FRMPD4: variants seen among roughly 807,000 people sequenced by gnomAD.
The protein encoded by FRMPD4 is FERM and PDZ domain-containing protein 4.
In FRMPD4, 22 loss-of-function variants were observed where a neutral mutation model predicts 94.1. The ratio of observed to expected loss-of-function variants is 0.23; its 90% CI spans 0.17 to 0.33. The LOEUF (loss-of-function observed/expected upper bound fraction) is 0.33. Ranked by LOEUF, FRMPD4 falls within the 10% of genes least tolerant of loss-of-function variation. The pLI, the probability that FRMPD4 is intolerant of heterozygous loss-of-function variation, is 1.00. For missense variants in FRMPD4, 1,111 were observed against 1,339.9 expected, an observed-to-expected ratio of 0.83 and a Z score of 2.67; for synonymous variants, 631 against 548.6, an observed-to-expected ratio of 1.15 and a Z score of -2.10.
At chrX:12,083,089 A>G (rs922046232) in intron 3 of FRMPD4, among the ~76,000 whole-genome samples, 14 of 112,769 alleles carry the variant, frequency 1.2e-4, no homozygotes, top group Non-Finnish European at 2.4e-4. Flanking sequence ...TCTCAAGACC[A>G]TGGGGAAAAT....
In FRMPD4 at chrX:12,702,013, A is replaced by G; in HGVS notation, c.1070+3A>G. Reference sequence around the variant, plus strand: ...AAAATCTCCCTCAAATACATCGAGTAAGTGTTGACTCTCAGCGCCATTTCG... The same window carrying G: ...AAAATCTCCCTCAAATACATCGAGTGAGTGTTGACTCTCAGCGCCATTTCG... On this transcript the variant is annotated splice_donor_region_variant and intron_variant, in intron 10 of 16. Coordinates refer to ENST00000675598, the MANE Select transcript of FRMPD4 (RefSeq NM_001368397.1). 1 of 1,209,125 alleles carries G rather than the reference A, an allele frequency of 8.3e-7. No homozygotes were observed. Among genetic ancestry groups the G allele is most frequent in the South Asian group, 1.8e-5 (1 of 56,941 alleles).
At chrX:12,276,633 C>T (rs1433049534) in intron 1 of FRMPD4, among the ~76,000 whole-genome samples, 2 of 111,189 alleles carry the variant, frequency 1.8e-5, no homozygotes, top group African/African-American at 6.6e-5. Flanking sequence ...TAAGAGTCTG[C>T]TCTATCAGTA....
At chrX:11,830,501 GTTGT>G (rs1307075957) in intron 1 of FRMPD4, among the ~76,000 whole-genome samples, 2 of 111,433 alleles carry the variant, frequency 1.8e-5, no homozygotes, top group African/African-American at 6.5e-5. Flanking sequence ...CTTCCACTAA[GTTGT>G]TTGACTACAG....
intron 1 of FRMPD4, among the ~76,000 whole-genome samples, chrX:12,416,792 C>G (rs2056806856): frequency 9.0e-6 from 1 of 111,711 alleles, no homozygotes; most frequent in South Asian, 3.7e-4. Flanking sequence ...AATGCTTCCT[C>G]TGTGTCTTTG....
At chrX:12,711,781 C>T (rs2041991721) in intron 14 of FRMPD4, among the ~76,000 whole-genome samples, 1 of 107,194 alleles carries the variant, frequency 9.3e-6, no homozygotes, top group Admixed American at 9.9e-5. Flanking sequence ...GCCCCAAGTC[C>T]CCGGCATTTA....
intron 1 of FRMPD4, among the ~76,000 whole-genome samples, chrX:12,495,734 A>AAAG (rs1841735203): frequency 9.2e-6 from 1 of 108,934 alleles, no homozygotes; most frequent in South Asian, 3.8e-4. Flanking sequence ...TAAAAATAAA[A>AAAG]AATAATAATA....
At chrX:11,895,539 C>T (rs2053898374) in intron 3 of FRMPD4, among the ~76,000 whole-genome samples, 1 of 111,749 alleles carries the variant, frequency 8.9e-6, no homozygotes, top group African/African-American at 3.3e-5. Flanking sequence ...ATATAACATG[C>T]ATTACCTTAT....
chrX:12,095,934 C>A (rs940717008), intron 3 of FRMPD4, among the ~76,000 whole-genome samples: 1 of 112,148 alleles, frequency 8.9e-6, no homozygotes, highest in Admixed American at 9.5e-5. Flanking sequence ...CATGTCTGGG[C>A]TTGGTCCACC....
intron 1 of FRMPD4, among the ~76,000 whole-genome samples, chrX:12,366,948 G>A (rs2056091763): frequency 9.0e-6 from 1 of 111,345 alleles, no homozygotes; most frequent in Non-Finnish European, 1.9e-5. Flanking sequence ...TTCTCTCTCT[G>A]GGTGGGCTGC....
At chrX:12,679,317 A>T (rs2059939099) in intron 5 of FRMPD4, among the ~76,000 whole-genome samples, 1 of 111,639 alleles carries the variant, frequency 9.0e-6, no homozygotes, top group Non-Finnish European at 1.9e-5. Flanking sequence ...AGTTTTTTTT[A>T]TACTCACAGG....
chrX:12,463,681 G>GTGTGT lies in FRMPD4; in HGVS notation c.42-34998_42-34997insGTGTT, dbSNP rs1555969426. On this transcript the variant is annotated intron_variant, in intron 1 of 16. Coordinates refer to ENST00000675598, the MANE Select transcript of FRMPD4 (RefSeq NM_001368397.1). ...GGGTGCCTGTGCCTCCTATGTGTGTGTTTTTTTTTTGTTTTTGTTTTTTTT... is the reference window on the plus strand; with the variant it reads ...GGGTGCCTGTGCCTCCTATGTGTGTGTGTGTTTTTTTTTTTGTTTTTGTTTTTTTT... Among the ~76,000 whole-genome samples the GTGTGT allele has an allele frequency of 1.4e-3, 71 of 51,037 alleles. 2 individuals are homozygous for GTGTGT. The highest frequency in any genetic ancestry group is 5.1e-3 in the African/African-American group (59 of 11,593). 44.3% of individuals were successfully genotyped at this position (51,037 alleles called of 115,157 possible). A position where few individuals can be genotyped will look rare whatever the true frequency, so the allele number is the denominator to read the frequency against.
At chrX:12,235,884 A>G (rs957620982) in intron 1 of FRMPD4, among the ~76,000 whole-genome samples, 20 of 111,957 alleles carry the variant, frequency 1.8e-4, no homozygotes, top group Admixed American at 3.8e-4. Flanking sequence ...AAATGAGGAT[A>G]ATAGTGCCAA....
rs764085438 is a variant in FRMPD4 at position 12,644,335 on chromosome X, T to G, written c.422+29454T>G. On this transcript the variant is annotated intron_variant, in intron 4 of 16. Coordinates refer to ENST00000675598, the MANE Select transcript of FRMPD4 (RefSeq NM_001368397.1). ...ATATTTCAGACCATTGATTAAAATC[T>G]TTCACAGTTAATTAAATATGTATCT... 1.3e-4 allele frequency among the ~76,000 whole-genome samples: 12 copies of G among 89,670 alleles called. No individual in the cohort carries two copies. In the East Asian group the frequency reaches 1.8e-3, roughly 13 times the overall value. The allele number at this position is 89,670 out of a possible 115,157, so 77.9% of individuals were successfully genotyped here.
At chrX:11,987,098 TA>T (rs35377550) in intron 3 of FRMPD4, among the ~76,000 whole-genome samples, 248 of 21,769 alleles carry the variant, frequency 0.011, no homozygotes, top group African/African-American at 0.031. Flanking sequence ...AAAGACACAT[TA>T]AAAAAAAAAA....
At position 12,650,536 on chromosome X, in the gene FRMPD4, G is replaced by T. The variant is rs2059587305; in HGVS notation, c.423-24327G>T. 3.6e-5 allele frequency among the ~76,000 whole-genome samples: 4 copies of T among 112,119 alleles called. No homozygotes were observed. In the South Asian group the frequency reaches 1.5e-3, roughly 42 times the overall value. ...AAGAGGAGGTGAGTGGAGAGCTACT[G>T]GAGGTGTTTCCTACTGGGGGAAAAT... is the stretch of plus-strand genomic sequence containing the variant. On this transcript the variant is annotated intron_variant, in intron 4 of 16. Coordinates refer to ENST00000675598, the MANE Select transcript of FRMPD4 (RefSeq NM_001368397.1).
At chrX:12,222,353 C>T (rs2056878214) in intron 1 of FRMPD4, among the ~76,000 whole-genome samples, 1 of 111,744 alleles carries the variant, frequency 8.9e-6, no homozygotes, top group African/African-American at 3.3e-5. Context: ...TTATTGTGAA[C>T]AAGGAACTGC....
chrX:12,619,251 C>T (rs2059265503), intron 4 of FRMPD4, among the ~76,000 whole-genome samples: 1 of 111,856 alleles, frequency 8.9e-6, no homozygotes, highest in Non-Finnish European at 1.9e-5. Flanking sequence ...GACATGTCAC[C>T]CCTTCTATAC....
chrX:12,392,973 A>C (rs777337363), intron 1 of FRMPD4, among the ~76,000 whole-genome samples: 11 of 112,510 alleles, frequency 9.8e-5, no homozygotes, highest in African/African-American at 3.5e-4. Flanking sequence ...GTCTCAAGGA[A>C]AAATAAAAAT....
chrX:12,216,295 G>A (rs1446310312), intron 1 of FRMPD4, among the ~76,000 whole-genome samples: 4 of 111,453 alleles, frequency 3.6e-5, no homozygotes, highest in Non-Finnish European at 7.5e-5. Flanking sequence ...GGTGGACTTC[G>A]CACATGCTCT....
Sources: allele counts gnomAD v4.1 joint callset (sites outside exome capture counted in the v4.1 genomes callset), GRCh38; gene constraint gnomAD v4.1.1; transcripts MANE v1.5; gene names NCBI Gene and HGNC (gene_info 2026-07-23, HGNC 2026-07-21).